The following KAT2B variants were observed in gnomAD, a reference collection of about 807,000 sequenced individuals.
KAT2B encodes the protein lysine acetyltransferase 2B.
Under a neutral mutation model 105.9 loss-of-function variants are expected in KAT2B, and 36 were observed. The ratio of observed to expected loss-of-function variants is 0.34; its 90% CI spans 0.26 to 0.45. The LOEUF (loss-of-function observed/expected upper bound fraction) is 0.45. KAT2B is among the 20% of genes least tolerant of loss of function. The probability of loss-of-function intolerance (pLI) is 1.00; values close to 1 mark genes in which losing one functional copy is unlikely to be tolerated. For synonymous variants in KAT2B, 397 were observed against 377.9 expected (o/e 1.05, Z -0.59); for missense variants, 820 against 1,021.6 (o/e 0.80, Z 2.69).
At chr3:20,070,285 T>C (rs182871454) in intron 1 of KAT2B, among the ~76,000 whole-genome samples, 94 of 151,252 alleles carry the variant, frequency 6.2e-4, no homozygotes, top group African/African-American at 2.2e-3. Context: ...TGCCAATCGT[T>C]TATTCTCTTT....
chr3:20,142,864 C>G (rs1383476545), intron 13 of KAT2B, among the ~76,000 whole-genome samples: 2 of 150,988 alleles, frequency 1.3e-5, no homozygotes, highest in Admixed American at 6.6e-5. Context: ...TATGAGCAAG[C>G]ATAATTGGGT....
Position 20,040,588 on chromosome 3 carries a change from G to T in KAT2B, c.111G>T (p.Pro37=), listed in dbSNP as rs2125158962. 8.5e-7 allele frequency: 1 copy of T among 1,175,152 alleles called. No homozygotes were observed. The highest frequency in any genetic ancestry group is 1.1e-6 in the Non-Finnish European group (1 of 949,660). 72.8% of individuals were successfully genotyped at this position (1,175,152 alleles called of 1,614,324 possible). A position where few individuals can be genotyped will look rare whatever the true frequency, so the allele number is the denominator to read the frequency against. ...PQPAALPPAP[P]QGSPCAAAAG... ...CTGCGGCGCTTCCGCCCGCGCCCCC[G>T]CAGGGCTCCCCCTGCGCCGCTGCCG... Residue 37 remains proline (P), a synonymous_variant, in exon 1 of 18, where the codon CCG becomes CCT. Transcript: ENST00000263754.
At chr3:20,063,999 G>C (rs570414325) in intron 1 of KAT2B, among the ~76,000 whole-genome samples, 48 of 152,252 alleles carry the variant, frequency 3.2e-4, no homozygotes, top group Middle Eastern at 3.4e-3. Context: ...GAATGGTCTT[G>C]GCACACTTGT....
chr3:20,059,835 C>T (rs1698069475), intron 1 of KAT2B, among the ~76,000 whole-genome samples: 1 of 152,204 alleles, frequency 6.6e-6, no homozygotes, highest in East Asian at 1.9e-4. Flanking sequence ...CCACAATCTA[C>T]CTTTTAGAAG....
chr3:20,151,410 T>C (rs190580495), intron 17 of KAT2B, among the ~76,000 whole-genome samples: 6 of 151,908 alleles, frequency 3.9e-5, no homozygotes, highest in Admixed American at 2.6e-4. Context: ...TATAACATAC[T>C]TATAATTTGG....
intron 1 of KAT2B, among the ~76,000 whole-genome samples, chr3:20,058,297 A>C (rs2125170002): frequency 6.6e-6 from 1 of 152,062 alleles, no homozygotes; most frequent in South Asian, 2.1e-4. Flanking sequence ...GTCTCTATTA[A>C]AAATACAAAA....
chr3:20,121,624 A>G (rs896876441), intron 8 of KAT2B, among the ~76,000 whole-genome samples: 11 of 152,206 alleles, frequency 7.2e-5, no homozygotes, highest in African/African-American at 2.2e-4. Flanking sequence ...GTGTCATTTT[A>G]TAATAGAAAA....
chr3:20,135,865 T>G (rs1699591293), intron 11 of KAT2B, among the ~76,000 whole-genome samples: 1 of 152,112 alleles, frequency 6.6e-6, no homozygotes, highest in Non-Finnish European at 1.5e-5. Context: ...CTAAGGTCAA[T>G]AAGTAGAAAT....
intron 1 of KAT2B, among the ~76,000 whole-genome samples, chr3:20,070,362 T>C (rs1224339266): frequency 6.7e-6 from 1 of 150,270 alleles, no homozygotes; most frequent in Non-Finnish European, 1.5e-5. Context: ...TGGAGTGCAG[T>C]TGTGCAATCT....
Position 20,152,525 on chromosome 3 carries a change from A to G in KAT2B, c.2499A>G (p.Ter833TrpextTer8). 1 of 1,610,530 alleles carries G rather than the reference A, an allele frequency of 6.2e-7. No homozygotes were observed. Among genetic ancestry groups the G allele is most frequent in the Non-Finnish European group, 8.5e-7 (1 of 1,177,930 alleles). ...AGGAAGCTGGATTAATTGACAAGTG[A>G]TTTTTTTTCCCCTCTGCTTCTTAGA... Reference protein sequence around the residue: ...KIKEAGLIDK* With the variant: ...KIKEAGLIDKW Residue 833 changes from the stop codon to tryptophan (W), a stop_lost, in exon 18 of 18, where the codon TGA (stop) becomes TGG (tryptophan). Transcript: ENST00000263754.
chr3:20,132,083 A>C (rs1699520339), intron 11 of KAT2B, among the ~76,000 whole-genome samples: 1 of 152,132 alleles, frequency 6.6e-6, no homozygotes, highest in Non-Finnish European at 1.5e-5. Flanking sequence ...TGTAATCTAA[A>C]AACAATTTGG....
At chr3:20,114,291 C>G (rs1344270203) in intron 6 of KAT2B, among the ~76,000 whole-genome samples, 1 of 152,160 alleles carries the variant, frequency 6.6e-6, no homozygotes, top group Non-Finnish European at 1.5e-5. Context: ...TTTCACTTCT[C>G]TGTGCCCTAG....
intron 1 of KAT2B, among the ~76,000 whole-genome samples, chr3:20,062,408 A>G (rs1195046765): frequency 9.8e-6 from 1 of 101,790 alleles, no homozygotes. Context: ...TATATATTAT[A>G]TATTATATAT....
At chr3:20,145,113 A>G (rs1253562622) in intron 13 of KAT2B, among the ~76,000 whole-genome samples, 2 of 152,184 alleles carry the variant, frequency 1.3e-5, no homozygotes, top group Non-Finnish European at 2.9e-5. Context: ...CTGATTTTCA[A>G]GAGTTCATAT....
At chr3:20,124,278 A>G (rs1330816586) in intron 9 of KAT2B, among the ~76,000 whole-genome samples, 1 of 152,100 alleles carries the variant, frequency 6.6e-6, no homozygotes, top group Non-Finnish European at 1.5e-5. Context: ...TATTTTTTTA[A>G]AAAAGAGCTT....
chr3:20,106,957 A>ATG (rs1333458445), intron 5 of KAT2B, among the ~76,000 whole-genome samples: 4 of 65,266 alleles, frequency 6.1e-5, no homozygotes, highest in Non-Finnish European at 9.9e-5. Context: ...TCTGAATTTT[A>ATG]TGTGTATATA....
At chr3:20,067,831 C>T (rs1698250074) in intron 1 of KAT2B, among the ~76,000 whole-genome samples, 1 of 149,840 alleles carries the variant, frequency 6.7e-6, no homozygotes, top group African/African-American at 2.5e-5. Context: ...CCCACCACCA[C>T]ACCTGGCTAA....
chr3:20,135,383 G>A (rs1342975505), intron 11 of KAT2B, among the ~76,000 whole-genome samples: 3 of 152,006 alleles, frequency 2.0e-5, no homozygotes, highest in Non-Finnish European at 2.9e-5. Flanking sequence ...GGCCGGGCGC[G>A]GTGGCTCACG....
At chr3:20,090,024 G>C (rs948965796) in intron 2 of KAT2B, among the ~76,000 whole-genome samples, 1 of 150,836 alleles carries the variant, frequency 6.6e-6, no homozygotes, top group Non-Finnish European at 1.5e-5. Flanking sequence ...AAAAAAAAAC[G>C]AATGGTACTG....
Sources: allele counts gnomAD v4.1 joint callset (sites outside exome capture counted in the v4.1 genomes callset), GRCh38; gene constraint gnomAD v4.1.1; transcripts MANE v1.5; gene names NCBI Gene and HGNC (gene_info 2026-07-23, HGNC 2026-07-21).